EVI5L: variants seen among roughly 807,000 people sequenced by gnomAD.
The protein encoded by EVI5L is EVI5-like protein.
A neutral mutation model predicts 106.1 loss-of-function variants in EVI5L; 30 were observed. The observed-to-expected ratio is 0.28, with a 90% CI of 0.21 to 0.38. The LOEUF is 0.38. Ranked by LOEUF, EVI5L falls within the 10% of genes least tolerant of loss-of-function variation. EVI5L has a pLI of 1.00. For synonymous variants in EVI5L, 489 were observed against 483.3 expected (o/e 1.01, Z -0.15); for missense variants, 809 against 1,098.0 (o/e 0.74, Z 3.72).
rs1046167161 is a variant in EVI5L at position 7,835,584 on chromosome 19, C to A, written c.-48+5203C>A. On this transcript the variant is annotated intron_variant, in intron 1 of 19. Coordinates refer to ENST00000538904, the MANE Select transcript of EVI5L (RefSeq NM_001159944.3). The surrounding 1 kb of genome is among the most constrained non-coding windows in gnomAD (Gnocchi z 4.1). ...CAGGCTGCAAGCTCTGAAGTTCTCA[C>A]CTGGAGCCAAGAGATCTGGGATAAC... 6.6e-6 allele frequency among the ~76,000 whole-genome samples: 1 copy of A among 152,128 alleles called. No homozygotes were observed. Among genetic ancestry groups the A allele is most frequent in the East Asian group, 1.9e-4 (1 of 5,192 alleles).
Position 7,863,036 on chromosome 19 carries a change from T to TGCGGCA in EVI5L, c.2016_2021dup (p.Gln673_Arg674dup). On this transcript the variant is annotated inframe_insertion, in exon 18 of 20. Coordinates refer to ENST00000538904, the MANE Select transcript of EVI5L (RefSeq NM_001159944.3). The surrounding 1 kb of genome is among the most constrained non-coding windows in gnomAD (Gnocchi z 7.7). ...GACAGCATGGCTGCGGTGGCCGAGA[T>TGCGGCA]GCGGCAGCGCATTGCCGAGCTGGAG... 6.3e-7 allele frequency: 1 copy of TGCGGCA among 1,575,776 alleles called. No homozygotes were observed. Among genetic ancestry groups the TGCGGCA allele is most frequent in the Non-Finnish European group, 8.6e-7 (1 of 1,168,274 alleles).
intron 1 of EVI5L, among the ~76,000 whole-genome samples, chr19:7,844,769 G>C (rs541738354): frequency 6.6e-6 from 1 of 152,186 alleles, no homozygotes; most frequent in Non-Finnish European, 1.5e-5. Context: ...TCAGCACCCG[G>C]CAGACTAGGG....
At chr19:7,860,536 C>A (rs1162851868) in intron 13 of EVI5L, 25 bp from the exon 14 acceptor site, 1 of 1,555,810 alleles carries the variant, frequency 6.4e-7, no homozygotes. Flanking sequence ...GCCTGGGGCC[C>A]CACGCAGCTC....
At chr19:7,844,195 A>T (rs893284072) in intron 1 of EVI5L, among the ~76,000 whole-genome samples, 1 of 151,874 alleles carries the variant, frequency 6.6e-6, no homozygotes, top group African/African-American at 2.4e-5. Flanking sequence ...TACTAAAAAT[A>T]CAAAAATTAG....
intron 1 of EVI5L, among the ~76,000 whole-genome samples, chr19:7,837,999 G>A (rs947516025): frequency 1.4e-4 from 21 of 150,772 alleles, no homozygotes; most frequent in Non-Finnish European, 2.5e-4. Flanking sequence ...CCCCATGCCC[G>A]GCCAACCTTG....
In EVI5L at chr19:7,837,190, G is replaced by A. The variant is rs565785812; in HGVS notation, c.-48+6809G>A. ...TACTAAAAATACAGAAATTAGCCGG[G>A]CGTGGTGGTGCGCACCTGTAATCCC... On this transcript the variant is annotated intron_variant, in intron 1 of 19. Coordinates refer to ENST00000538904, the MANE Select transcript of EVI5L (RefSeq NM_001159944.3). Among the ~76,000 whole-genome samples the A allele has an allele frequency of 2.4e-3, 361 of 151,690 alleles. 2 individuals carry two copies. The highest frequency in any genetic ancestry group is 4.3e-3 in the Non-Finnish European group (291 of 67,914).
In EVI5L at chr19:7,853,109, C is replaced by G; in HGVS notation, c.1011C>G (p.His337Gln). 1 of 1,613,946 alleles carries G rather than the reference C, an allele frequency of 6.2e-7. No homozygotes were observed. The highest frequency in any genetic ancestry group is 8.5e-7 in the Non-Finnish European group (1 of 1,180,036). The change falls in exon 9 of 20, where the codon CAC becomes CAG. Residue 337 changes from histidine (H) to glutamine (Q), a missense_variant. Around this residue, in one of 2 missense-constraint regions of EVI5L, gnomAD observed 357 missense variants for 588.1 expected, o/e 0.61. Transcript: ENST00000538904. Reference protein sequence around the residue: ...MSQYFQRVIPHQFDSCPDKLV... With the variant: ...MSQYFQRVIPQQFDSCPDKLV... ...AGTACTTCCAGAGAGTGATCCCCCA[C>G]CAGTTCGACAGCTGCCCGGACAAGC...
In EVI5L at chr19:7,863,322, T is replaced by C; in HGVS notation, c.2139+42T>C. 1.9e-6 allele frequency: 3 copies of C among 1,548,210 alleles called. No homozygotes were observed. The highest frequency in any genetic ancestry group is 2.6e-6 in the Non-Finnish European group (3 of 1,146,060). The stretch of plus-strand genomic sequence containing the variant: ...ATGCCGGGGACAGGCCTGGGTGTCG[T>C]CGGCCTGGGACGAGCCGAGCGCAGG... On this transcript the variant is annotated intron_variant, in intron 19 of 19. Coordinates refer to ENST00000538904, the MANE Select transcript of EVI5L (RefSeq NM_001159944.3). This position sits in a 1 kb window ranked among gnomAD's most constrained non-coding sequence, Gnocchi z 7.7.
chr19:7,847,217 G>A (rs1253399706), intron 2 of EVI5L, among the ~76,000 whole-genome samples: 1 of 152,032 alleles, frequency 6.6e-6, no homozygotes, highest in Non-Finnish European at 1.5e-5. Context: ...ACTTGAACCC[G>A]GGAGGCGGAC....
At chr19:7,862,612 C>T in intron 17 of EVI5L, 78 bp downstream of exon 17, 2 of 1,249,102 alleles carry the variant, frequency 1.6e-6, no homozygotes, top group Non-Finnish European at 2.1e-6. Context: ...GCCCCCAATC[C>T]GCCTCTGCCG....
rs906181649 is a variant in EVI5L at position 7,835,963 on chromosome 19, G to A, written c.-48+5582G>A. ...TCAGAAATGGGGGGTAGGGCCGGGC[G>A]TGGTGGCTCACACCTGTGATCTCGG... On this transcript the variant is annotated intron_variant, in intron 1 of 19. Transcript: ENST00000538904. The surrounding 1 kb of genome is among the most constrained non-coding windows in gnomAD (Gnocchi z 4.1). 1.3e-5 allele frequency among the ~76,000 whole-genome samples: 2 copies of A among 152,130 alleles called. No individual in the cohort carries two copies. The highest frequency in any genetic ancestry group is 2.1e-4 in the South Asian group (1 of 4,816).
At chr19:7,862,302 G>T in intron 16 of EVI5L, 25 bp downstream of exon 16, 1 of 1,584,228 alleles carries the variant, frequency 6.3e-7, no homozygotes, top group Non-Finnish European at 8.6e-7. Context: ...CCTGCTCGTT[G>T]GGGAAGGGGC....
chr19:7,843,263 T>C (rs1292513414), intron 1 of EVI5L, among the ~76,000 whole-genome samples: 1 of 141,346 alleles, frequency 7.1e-6, no homozygotes, highest in Non-Finnish European at 1.5e-5. Flanking sequence ...TAGGTGTGTG[T>C]GAGAATAGGC....
At chr19:7,862,836 C>G in intron 17 of EVI5L, 136 bp from the exon 18 acceptor site, 1 of 565,666 alleles carries the variant, frequency 1.8e-6, no homozygotes, top group Non-Finnish European at 2.9e-6. Flanking sequence ...CGGTCCCGCC[C>G]CTGCCCGCGG....
rs558623204 is a variant in EVI5L, at chr19:7,836,497, G to T, written c.-48+6116G>T. On this transcript the variant is annotated intron_variant, in intron 1 of 19. Coordinates refer to ENST00000538904, the MANE Select transcript of EVI5L (RefSeq NM_001159944.3). Reference sequence around the variant, plus strand: ...GCACAGCGGGTGGATTTAGGGCAAAGGCTATACAGTCAGAAATCCAAGTTC... The same window carrying T: ...GCACAGCGGGTGGATTTAGGGCAAATGCTATACAGTCAGAAATCCAAGTTC... 4.6e-5 allele frequency among the ~76,000 whole-genome samples: 7 copies of T among 152,318 alleles called. No homozygotes were observed. The East Asian group carries it at 1.4e-3, about 29-fold the overall frequency.
chr19:7,831,582 C>G (rs1754652471), intron 1 of EVI5L, among the ~76,000 whole-genome samples: 1 of 152,220 alleles, frequency 6.6e-6, no homozygotes, highest in Non-Finnish European at 1.5e-5. Flanking sequence ...TGCCCCAGGC[C>G]TCTGCCAAGT....
chr19:7,842,755 GGT>G (rs1020857736), intron 1 of EVI5L, among the ~76,000 whole-genome samples: 53 of 105,172 alleles, frequency 5.0e-4, no homozygotes, highest in African/African-American at 1.1e-3. Context: ...GAAGGTACTG[GGT>G]GTGTGTGTAT....
chr19:7,843,233 CGA>C (rs375413260), intron 1 of EVI5L, among the ~76,000 whole-genome samples: 2 of 78,784 alleles, frequency 2.5e-5, no homozygotes, highest in African/African-American at 5.0e-5. Context: ...GGGTGTGTGT[CGA>C]GTGTGTGCAT....
At chr19:7,862,936 A>AGTC in intron 17 of EVI5L, 36 bp from the exon 18 acceptor site, 1 of 889,390 alleles carries the variant, frequency 1.1e-6, no homozygotes, top group Non-Finnish European at 1.7e-6. Flanking sequence ...GCGCCCCCTG[A>AGTC]CCCGCCCTCC....
Sources: gnomAD v4.1 joint callset for allele counts (sites outside exome capture counted in the v4.1 genomes callset) on GRCh38, gnomAD v4.1.1 for gene constraint, gnomAD v4.1.1 regional missense constraint, Gnocchi (gnomAD v3.1) non-coding constraint, MANE v1.5 for transcripts, NCBI Gene and HGNC (gene_info 2026-07-23, HGNC 2026-07-21) for gene names.